The following HSD11B1 variants were observed in gnomAD, a reference collection of about 807,000 sequenced individuals.
The protein encoded by HSD11B1 is hydroxysteroid 11-beta dehydrogenase 1.
HSD11B1 carries 15 observed loss-of-function variants against 22.1 expected under a neutral mutation model. That is an observed-to-expected ratio of 0.68 (90% CI 0.45 to 1.04). HSD11B1 has a LOEUF of 1.04. Among genes scored for constraint, HSD11B1 ranks in the 50% least tolerant of loss-of-function variants. The pLI, the probability that HSD11B1 is intolerant of heterozygous loss-of-function variation, is 0.00. For missense variants in HSD11B1, 281 were observed against 357.6 expected, an observed-to-expected ratio of 0.79 and a Z score of 1.73; for synonymous variants, 122 against 125.2, an observed-to-expected ratio of 0.97 and a Z score of 0.17.
At chr1:209,712,906 G>A (rs1014583659) in intron 4 of HSD11B1, among the ~76,000 whole-genome samples, 27 of 152,224 alleles carry the variant, frequency 1.8e-4, no homozygotes, top group Middle Eastern at 6.8e-3. Flanking sequence ...AAAATTAGCC[G>A]GGCGAGGTGG....
intron 1 of HSD11B1, among the ~76,000 whole-genome samples, chr1:209,695,451 T>C (rs542776558): frequency 1.8e-4 from 28 of 152,204 alleles, no homozygotes; most frequent in African/African-American, 6.7e-4. Flanking sequence ...TTGATTGAAA[T>C]AGAGATCAAT....
chr1:209,727,134 A>G (rs2077007378), intron 4 of HSD11B1, among the ~76,000 whole-genome samples: 1 of 152,238 alleles, frequency 6.6e-6, no homozygotes, highest in Non-Finnish European at 1.5e-5. Context: ...GAAGAGTAAA[A>G]GACACAGACA....
At position 209,704,919 on chromosome 1, in the gene HSD11B1, G is replaced by T. The variant is rs966796746; in HGVS notation, c.-24G>T. ...GGTTCTCTCTGTGTGTCCTACAGGA[G>T]TCTTCAGGCCAGCTCCCTGTCGGAT... On this transcript the variant is annotated 5_prime_UTR_variant, in exon 1 of 6. Coordinates refer to ENST00000367027, the MANE Select transcript of HSD11B1 (RefSeq NM_005525.4). The T allele has an allele frequency of 1.3e-6, 2 of 1,589,512 alleles. No homozygotes were observed. Among genetic ancestry groups the T allele is most frequent in the Non-Finnish European group, 1.7e-6 (2 of 1,157,914 alleles).
chr1:209,704,087 T>C (rs146788535), upstream of HSD11B1, among the ~76,000 whole-genome samples: 154 of 152,330 alleles, frequency 1.0e-3, 1 homozygote, highest in African/African-American at 3.7e-3. Flanking sequence ...TTCTTCTACA[T>C]CAGGTCGCCT....
intron 4 of HSD11B1, among the ~76,000 whole-genome samples, chr1:209,707,926 GA>G (rs75483351): frequency 0.25 from 34,824 of 142,100 alleles, 4,461 homozygotes; most frequent in East Asian, 0.51. Context: ...TGAACAACAA[GA>G]AAAAAAAAAA....
intron 1 of HSD11B1, among the ~76,000 whole-genome samples, chr1:209,686,574 T>A (rs2076730090): frequency 6.6e-6 from 1 of 152,164 alleles, no homozygotes; most frequent in African/African-American, 2.4e-5. Flanking sequence ...GGACAGAAAG[T>A]CAAGTTGGAA....
At chr1:209,688,437 C>G (rs2076740668) in intron 1 of HSD11B1, among the ~76,000 whole-genome samples, 1 of 152,172 alleles carries the variant, frequency 6.6e-6, no homozygotes. Flanking sequence ...TTTCCTTGTG[C>G]TTGACTTCAA....
upstream of HSD11B1, among the ~76,000 whole-genome samples, chr1:209,702,739 A>C (rs2076833107): frequency 6.6e-6 from 1 of 152,262 alleles, no homozygotes; most frequent in African/African-American, 2.4e-5. Flanking sequence ...AAACCTACAC[A>C]GGCAAAAGTT....
chr1:209,730,382 A>C (rs2077028325), intron 4 of HSD11B1, among the ~76,000 whole-genome samples: 1 of 152,224 alleles, frequency 6.6e-6, no homozygotes, highest in South Asian at 2.1e-4. Flanking sequence ...GAGGTTCCTT[A>C]GGAGGAAAGG....
At chr1:209,716,792 G>C (rs1450237663) in intron 4 of HSD11B1, among the ~76,000 whole-genome samples, 1 of 152,092 alleles carries the variant, frequency 6.6e-6, no homozygotes, top group African/African-American at 2.4e-5. Context: ...AAGGCACCAA[G>C]AACATGCATT....
At chr1:209,728,120 A>G (rs1303882610) in intron 4 of HSD11B1, among the ~76,000 whole-genome samples, 3 of 152,174 alleles carry the variant, frequency 2.0e-5, no homozygotes, top group Non-Finnish European at 4.4e-5. Context: ...ATTCCAACCT[A>G]TTTATGTCTT....
At chr1:209,708,967 A>G (rs1409905443) in intron 4 of HSD11B1, among the ~76,000 whole-genome samples, 2 of 152,196 alleles carry the variant, frequency 1.3e-5, no homozygotes, top group Admixed American at 6.5e-5. Context: ...AAACCTGTCT[A>G]TGAACTTGCA....
At chr1:209,701,922 C>T (rs540603429), upstream of HSD11B1, among the ~76,000 whole-genome samples, 8 of 152,280 alleles carry the variant, frequency 5.3e-5, no homozygotes, top group East Asian at 1.5e-3. Context: ...ATGATCAAAT[C>T]AGAGAGAATT....
intron 1 of HSD11B1, among the ~76,000 whole-genome samples, chr1:209,691,504 AT>A (rs1158688778): frequency 1.3e-5 from 2 of 152,218 alleles, no homozygotes; most frequent in Non-Finnish European, 2.9e-5. Flanking sequence ...CAAGAAAAAA[AT>A]AAAGGAGCTC....
chr1:209,726,432 G>T (rs1205079406), intron 4 of HSD11B1, among the ~76,000 whole-genome samples: 3 of 151,646 alleles, frequency 2.0e-5, no homozygotes, highest in Non-Finnish European at 4.4e-5. Flanking sequence ...GTAAGACGTT[G>T]TCTCTACAAA....
At chr1:209,716,315 C>A (rs2076929647) in intron 4 of HSD11B1, among the ~76,000 whole-genome samples, 1 of 150,378 alleles carries the variant, frequency 6.6e-6, no homozygotes, top group African/African-American at 2.4e-5. Context: ...AAAAGAAAAA[C>A]CATTTACAAT....
intron 4 of HSD11B1, among the ~76,000 whole-genome samples, chr1:209,714,059 G>A (rs2076915109): frequency 6.6e-6 from 1 of 151,422 alleles, no homozygotes; most frequent in Non-Finnish European, 1.5e-5. Context: ...TATGCATGAA[G>A]GTCAACTCTG....
chr1:209,723,361 T>C (rs1379086353), intron 4 of HSD11B1, among the ~76,000 whole-genome samples: 1 of 152,188 alleles, frequency 6.6e-6, no homozygotes, highest in Non-Finnish European at 1.5e-5. Flanking sequence ...GTTGAGCACA[T>C]ACACTGGCAC....
chr1:209,716,373 G>T (rs960071152), intron 4 of HSD11B1, among the ~76,000 whole-genome samples: 2 of 150,610 alleles, frequency 1.3e-5, no homozygotes, highest in Admixed American at 6.6e-5. Context: ...AACCGAGGAG[G>T]TGAAAGACCT....
Sources: allele counts gnomAD v4.1 joint callset (sites outside exome capture counted in the v4.1 genomes callset), GRCh38; gene constraint gnomAD v4.1.1; transcripts MANE v1.5; gene names NCBI Gene and HGNC (gene_info 2026-07-23, HGNC 2026-07-21).